FHIP1A: variants seen among roughly 807,000 people sequenced by gnomAD.
FHIP1A encodes FHF complex subunit HOOK interacting protein 1A.
A neutral mutation model predicts 88.6 loss-of-function variants in FHIP1A; 61 were observed. That is an observed-to-expected ratio of 0.69 (90% CI 0.56 to 0.85). The LOEUF (loss-of-function observed/expected upper bound fraction) is 0.85. Ranked by LOEUF, FHIP1A falls within the 40% of genes least tolerant of loss-of-function variation. The probability of loss-of-function intolerance (pLI) is 0.00; values close to 1 mark genes in which losing one functional copy is unlikely to be tolerated. For missense variants in FHIP1A, 1,154 were observed against 1,273.5 expected, an observed-to-expected ratio of 0.91 and a Z score of 1.43; for synonymous variants, 478 against 496.0, an observed-to-expected ratio of 0.96 and a Z score of 0.48.
intron 5 of FHIP1A, among the ~76,000 whole-genome samples, chr4:151,582,101 T>C (rs1734046918): frequency 6.6e-6 from 1 of 152,122 alleles, no homozygotes; most frequent in African/African-American, 2.4e-5. Context: ...ATAAATCAAG[T>C]GATGCAAATT....
At chr4:151,485,281 A>AGTTTT (rs1402414123) in intron 3 of FHIP1A, among the ~76,000 whole-genome samples, 1 of 99,220 alleles carries the variant, frequency 1.0e-5, no homozygotes, top group African/African-American at 4.5e-5. Flanking sequence ...GATCTTTTCC[A>AGTTTT]GTTTTTTTTT....
At chr4:151,510,775 G>A (rs1731000982) in intron 3 of FHIP1A, among the ~76,000 whole-genome samples, 1 of 152,174 alleles carries the variant, frequency 6.6e-6, no homozygotes, top group African/African-American at 2.4e-5. Context: ...AGTTTCTAGT[G>A]ATCAAATTTC....
intron 3 of FHIP1A, among the ~76,000 whole-genome samples, chr4:151,565,295 T>C (rs1322705887): frequency 6.6e-6 from 1 of 152,182 alleles, no homozygotes; most frequent in South Asian, 2.1e-4. Flanking sequence ...ATGGATCATA[T>C]TCACCGTACA....
At chr4:151,537,838 G>C (rs1732127942) in intron 3 of FHIP1A, among the ~76,000 whole-genome samples, 1 of 152,166 alleles carries the variant, frequency 6.6e-6, no homozygotes, top group African/African-American at 2.4e-5. Flanking sequence ...GAATGGTACA[G>C]CTCTCTTTTA....
intron 1 of FHIP1A, among the ~76,000 whole-genome samples, chr4:151,433,769 A>G (rs1669445159): frequency 1.3e-5 from 2 of 152,270 alleles, no homozygotes; most frequent in South Asian, 4.1e-4. Flanking sequence ...CTCTGAATCA[A>G]ACTACACTAT....
At chr4:151,412,687 C>CTT (rs555613459) in intron 1 of FHIP1A, among the ~76,000 whole-genome samples, 3 of 95,850 alleles carry the variant, frequency 3.1e-5, no homozygotes, top group African/African-American at 4.2e-5. Flanking sequence ...CTCTTTCTTT[C>CTT]TTTTTTTTTT....
chr4:151,475,722 A>T (rs1403281408), intron 2 of FHIP1A, among the ~76,000 whole-genome samples: 2 of 152,218 alleles, frequency 1.3e-5, no homozygotes, highest in African/African-American at 4.8e-5. Flanking sequence ...CTTCGTACAT[A>T]TTAAAAGAAT....
At chr4:151,642,634 A>G (rs139942540) in intron 9 of FHIP1A, among the ~76,000 whole-genome samples, 19 of 152,268 alleles carry the variant, frequency 1.2e-4, no homozygotes, top group Non-Finnish European at 2.8e-4. Flanking sequence ...TCATCCCAGA[A>G]GAAGCACTTC....
intron 2 of FHIP1A, among the ~76,000 whole-genome samples, chr4:151,471,539 T>C (rs1479618249): frequency 1.3e-5 from 2 of 152,092 alleles, no homozygotes; most frequent in South Asian, 2.1e-4. Context: ...TAATTTTTAA[T>C]CTAAGGTCTT....
chr4:151,640,669 G>A (rs1266455719), intron 9 of FHIP1A, among the ~76,000 whole-genome samples: 2 of 152,210 alleles, frequency 1.3e-5, no homozygotes, highest in African/African-American at 4.8e-5. Flanking sequence ...AGGAAAACCA[G>A]CTGTCTTTTT....
chr4:151,498,710 G>A (rs1449064547), intron 3 of FHIP1A, among the ~76,000 whole-genome samples: 1 of 152,194 alleles, frequency 6.6e-6, no homozygotes, highest in African/African-American at 2.4e-5. Context: ...AGCTACTCGG[G>A]AGGCTGAGGC....
chr4:151,516,083 G>C (rs62327258), intron 3 of FHIP1A, among the ~76,000 whole-genome samples: 53,276 of 151,970 alleles, frequency 0.35, 9,929 homozygotes, highest in Non-Finnish European at 0.43. Context: ...AAACAGCATG[G>C]TACTGGTACC....
chr4:151,504,278 C>T (rs1443768114), intron 3 of FHIP1A, among the ~76,000 whole-genome samples: 1 of 152,224 alleles, frequency 6.6e-6, no homozygotes, highest in Non-Finnish European at 1.5e-5. Flanking sequence ...CATTTCCACA[C>T]TGAGATTTTT....
rs1280624064 is a variant in FHIP1A, at chr4:151,540,178, T to A, written c.-122-25960T>A. Reference sequence around the variant, plus strand: ...AGATAGGAACATATGTGTCATTTTTTAAAATGATTATGTACCTTAAATGGT... The same window carrying A: ...AGATAGGAACATATGTGTCATTTTTAAAAATGATTATGTACCTTAAATGGT... On this transcript the variant is annotated intron_variant, in intron 3 of 13. Coordinates refer to ENST00000435205, the MANE Select transcript of FHIP1A (RefSeq NM_001109977.3). 5.3e-5 allele frequency among the ~76,000 whole-genome samples: 8 copies of A among 152,350 alleles called. No individual in the cohort carries two copies. The South Asian group carries it at 6.2e-4, about 12-fold the overall frequency.
intron 3 of FHIP1A, among the ~76,000 whole-genome samples, chr4:151,526,753 C>T (rs1397265670): frequency 6.6e-6 from 1 of 151,178 alleles, no homozygotes; most frequent in Non-Finnish European, 1.5e-5. Flanking sequence ...CGGAGGGGCT[C>T]CTCACTTCTC....
At chr4:151,629,569 G>C in intron 7 of FHIP1A, 133 bp from the exon 8 acceptor site, 2 of 677,950 alleles carry the variant, frequency 3.0e-6, no homozygotes, top group Non-Finnish European at 2.5e-6. Flanking sequence ...ATAAAGCTCT[G>C]AAGTGTGTTT....
In FHIP1A at chr4:151,668,164, G is replaced by C. The variant is rs1737731591; in HGVS notation, c.*5410G>C. The stretch of plus-strand genomic sequence containing the variant: ...TCAGCTCTATTTGCAAATAATCCAT[G>C]AATATGTTTGTCTAAAACCTGCTGA... On this transcript the variant is annotated 3_prime_UTR_variant, in exon 14 of 14. Coordinates refer to ENST00000435205, the MANE Select transcript of FHIP1A (RefSeq NM_001109977.3). Among the ~76,000 whole-genome samples, 2 of 152,152 alleles carry C rather than the reference G, an allele frequency of 1.3e-5. No homozygotes were observed. Among genetic ancestry groups the C allele is most frequent in the Admixed American group, 6.5e-5 (1 of 15,278 alleles).
At chr4:151,578,573 G>A (rs1390427408) in intron 5 of FHIP1A, among the ~76,000 whole-genome samples, 3 of 152,158 alleles carry the variant, frequency 2.0e-5, no homozygotes, top group Admixed American at 6.5e-5. Context: ...GTCAGTTAGT[G>A]TGCAGGGGCC....
rs528664206 is a variant in FHIP1A at position 151,572,260 on chromosome 4, C to T, written c.106-5190C>T. ...ATGCTTGAGCATGTTGAAATGTCAG[C>T]AGCTCTCTTACTGTGTGCTTGGTGG... On this transcript the variant is annotated intron_variant, in intron 4 of 13. Transcript: ENST00000435205. 2.6e-5 allele frequency among the ~76,000 whole-genome samples: 4 copies of T among 152,252 alleles called. No homozygotes were observed. The East Asian group carries it at 7.7e-4, about 29-fold the overall frequency.
Sources: allele counts gnomAD v4.1 joint callset (sites outside exome capture counted in the v4.1 genomes callset), GRCh38; gene constraint gnomAD v4.1.1; transcripts MANE v1.5; gene names NCBI Gene and HGNC (gene_info 2026-07-23, HGNC 2026-07-21).